Variants in FBXW12 observed in about 807,000 individuals in gnomAD.
FBXW12 encodes the protein F-box and WD repeat domain containing 12.
FBXW12 carries 43 observed loss-of-function variants against 55.3 expected under a neutral mutation model. The observed-to-expected ratio is 0.78, with a 90% CI of 0.61 to 1.00. The LOEUF (loss-of-function observed/expected upper bound fraction) is 1.00. Among genes scored for constraint, FBXW12 ranks in the 50% least tolerant of loss-of-function variants. The pLI is 0.00. For missense variants in FBXW12, 524 were observed against 560.5 expected (o/e 0.93, Z 0.66); for synonymous variants, 184 against 203.8 (o/e 0.90, Z 0.83).
chr3:48,380,621 A>C, intron 7 of FBXW12, 81 bp from the exon 8 acceptor site: 1 of 1,019,198 alleles, frequency 9.8e-7, no homozygotes, highest in Non-Finnish European at 1.5e-6. Flanking sequence ...AGAATTTCTA[A>C]GAAGGCTCTT....
chr3:48,389,180 C>T (rs2036885991), intron 10 of FBXW12, among the ~76,000 whole-genome samples: 1 of 152,130 alleles, frequency 6.6e-6, no homozygotes, highest in Non-Finnish European at 1.5e-5. Context: ...TGCTTGAGCC[C>T]AGGAGTTCAA....
intron 10 of FBXW12, among the ~76,000 whole-genome samples, chr3:48,385,659 C>G (rs1326206405): frequency 1.3e-5 from 2 of 152,126 alleles, no homozygotes; most frequent in African/African-American, 2.4e-5. Context: ...CATGGGTTCC[C>G]TTTTCTTCAC....
intron 10 of FBXW12, among the ~76,000 whole-genome samples, chr3:48,383,948 A>G (rs976920361): frequency 6.6e-6 from 1 of 152,198 alleles, no homozygotes; most frequent in African/African-American, 2.4e-5. Context: ...AACACACTAC[A>G]TTGAAAATGT....
At chr3:48,387,575 A>C (rs2036865296) in intron 10 of FBXW12, among the ~76,000 whole-genome samples, 1 of 151,420 alleles carries the variant, frequency 6.6e-6, no homozygotes, top group Non-Finnish European at 1.5e-5. Context: ...TTTTAGACAC[A>C]ATCTCAACCT....
At position 48,373,671 on chromosome 3, in the gene FBXW12, G is replaced by A. The variant is rs764943929; in HGVS notation, c.252G>A (p.Pro84=). 1.3e-5 allele frequency: 21 copies of A among 1,613,978 alleles called. No individual in the cohort carries two copies. Among genetic ancestry groups the A allele is most frequent in the South Asian group, 7.7e-5 (7 of 91,088 alleles). ...RKELRLALAQ[P]HNFIYKVTKN... ...AGCTTCGGTTGGCATTGGCACAGCC[G>A]CATAACTTTATCTACAAAGTAACTA... is the stretch of plus-strand genomic sequence containing the variant. The change falls in exon 4 of 11, where the codon CCG becomes CCA. Residue 84 remains proline, a synonymous_variant. Transcript: ENST00000296438.
At chr3:48,392,269 G>A (rs555383249) in intron 10 of FBXW12, among the ~76,000 whole-genome samples, 6 of 152,152 alleles carry the variant, frequency 3.9e-5, no homozygotes, top group Admixed American at 6.5e-5. Context: ...TGGCTAACAC[G>A]GTGAAACCCC....
rs1224207040 is a variant in FBXW12 at position 48,382,223 on chromosome 3, TCTC to T, written c.1295+141_1295+143del. On this transcript the variant is annotated intron_variant, in intron 10 of 10. Coordinates refer to ENST00000296438, the MANE Select transcript of FBXW12 (RefSeq NM_207102.2). Reference sequence around the variant, plus strand: ...CCTCCGACTCCCGGGTTCTAGCAATTCTCCTGCTTCAGCCTCCCAAGTAGCTGG... The same window carrying T: ...CCTCCGACTCCCGGGTTCTAGCAATTCTGCTTCAGCCTCCCAAGTAGCTGG... 9 of 941,730 alleles carry T rather than the reference TCTC, an allele frequency of 9.6e-6. No homozygotes were observed. The African/African-American group carries it at 1.0e-4, about 10-fold the overall frequency. 58.3% of individuals were successfully genotyped at this position (941,730 alleles called of 1,614,324 possible).
Position 48,372,877 on chromosome 3 carries a change from C to T in FBXW12, c.90+20C>T, listed in dbSNP as rs746385042. ...AACAAGGTAAAGGCCTTCCACCTCC[C>T]ACTGCCCCCCAAGCCCGCTGCTTCT... is the stretch of plus-strand genomic sequence containing the variant. On this transcript the variant is annotated intron_variant, in intron 2 of 10. Transcript: ENST00000296438. The T allele has an allele frequency of 1.1e-5, 18 of 1,607,738 alleles. No homozygotes were observed. Among genetic ancestry groups the T allele is most frequent in the Non-Finnish European group, 1.4e-5 (17 of 1,174,246 alleles).
At chr3:48,391,745 C>A (rs776425197) in intron 10 of FBXW12, among the ~76,000 whole-genome samples, 1 of 152,072 alleles carries the variant, frequency 6.6e-6, no homozygotes, top group Non-Finnish European at 1.5e-5. Flanking sequence ...TTGAGATGAT[C>A]ATATGGTTTT....
intron 5 of FBXW12, among the ~76,000 whole-genome samples, chr3:48,376,716 G>C (rs2036691060): frequency 6.6e-6 from 1 of 152,106 alleles, no homozygotes; most frequent in Non-Finnish European, 1.5e-5. Flanking sequence ...CTAAAAAATT[G>C]GGCCACCGCA....
At chr3:48,393,108 G>A (rs1240076072) in intron 10 of FBXW12, among the ~76,000 whole-genome samples, 1 of 149,416 alleles carries the variant, frequency 6.7e-6, no homozygotes, top group Non-Finnish European at 1.5e-5. Context: ...CAATTCTTCT[G>A]CCTCAGCCTC....
At chr3:48,389,007 T>C (rs1175294668) in intron 10 of FBXW12, among the ~76,000 whole-genome samples, 1 of 152,214 alleles carries the variant, frequency 6.6e-6, no homozygotes, top group Admixed American at 6.5e-5. Context: ...CCCTGTTCCC[T>C]GTCTAACCCC....
rs765169925 is a variant in FBXW12 at position 48,379,529 on chromosome 3, T to G, written c.745T>G (p.Cys249Gly). 6.2e-7 allele frequency: 1 copy of G among 1,614,210 alleles called. No homozygotes were observed. The highest frequency in any genetic ancestry group is 1.1e-5 in the South Asian group (1 of 91,086). ...CSPDKKWVFA[C>G]GTYSRTLPQV... ...TCCTGACAAGAAATGGGTATTTGCA[T>G]GTGGGACATACAGTCGTACCTTGCC... The change falls in exon 7 of 11, where the codon TGT becomes GGT. Residue 249 changes from cysteine (C) to glycine (G), a missense_variant. Physicochemically the swap from Cys to Gly is radical, Grantham distance 159 (BLOSUM62 -3). Coordinates refer to ENST00000296438, the MANE Select transcript of FBXW12 (RefSeq NM_207102.2).
chr3:48,381,310 T>C lies in FBXW12; in HGVS notation c.986-390T>C, dbSNP rs535287180. The stretch of plus-strand genomic sequence containing the variant: ...GTGCTGGGATTACAGGAGTGAGCCA[T>C]CGCACCCGGCCAGGAGCAGGGGATT... On this transcript the variant is annotated intron_variant, in intron 8 of 10. Coordinates refer to ENST00000296438, the MANE Select transcript of FBXW12 (RefSeq NM_207102.2). Among the ~76,000 whole-genome samples the C allele has an allele frequency of 2.6e-4, 39 of 151,870 alleles. No homozygotes were observed. The South Asian group carries it at 3.1e-3, about 12-fold the overall frequency.
rs564093303 is a variant in FBXW12 at position 48,381,771 on chromosome 3, T to C, written c.1057T>C (p.Tyr353His). The C allele has an allele frequency of 1.9e-5, 31 of 1,611,970 alleles. No individual in the cohort carries two copies. The African/African-American group carries it at 3.6e-4, about 19-fold the overall frequency. ...CPIWMGASDG[Y>H]MIVFTSGPYL... ...TATCTGGATGGGAGCCAGTGATGGA[T>C]ATATGATTGTCTTTACCAGTGGACC... Residue 353 changes from tyrosine (Y) to histidine (H), a missense_variant, in exon 9 of 11, where the codon TAT (tyrosine) becomes CAT (histidine). By Grantham distance (83) the Tyr-to-His change is moderately conservative. Coordinates refer to ENST00000296438, the MANE Select transcript of FBXW12 (RefSeq NM_207102.2).
At position 48,373,574 on chromosome 3, in the gene FBXW12, G is replaced by T; in HGVS notation, c.155G>T (p.Cys52Phe). ...WRSLSLQRWD[C>F]SNFTNQHLGT... ...TCACTATCTCTGCAGAGATGGGACT[G>T]CAGCAACTTCACCAATCAACACCTG... is the stretch of plus-strand genomic sequence containing the variant. Residue 52 changes from cysteine to phenylalanine, a missense_variant, in exon 4 of 11, where the codon TGC (cysteine) becomes TTC (phenylalanine). By Grantham distance (205) the Cys-to-Phe change is radical (BLOSUM62 -2). Transcript: ENST00000296438. 1.9e-6 allele frequency: 3 copies of T among 1,614,126 alleles called. No homozygotes were observed. Among genetic ancestry groups the T allele is most frequent in the Non-Finnish European group, 2.5e-6 (3 of 1,180,006 alleles).
In FBXW12 at chr3:48,372,280, G is replaced by T. The variant is rs974212672; in HGVS notation, c.-125G>T. 1.3e-6 allele frequency: 2 copies of T among 1,552,028 alleles called. No homozygotes were observed. Among genetic ancestry groups the T allele is most frequent in the African/African-American group, 2.7e-5 (2 of 73,030 alleles). On this transcript the variant is annotated 5_prime_UTR_variant, in exon 1 of 11. Coordinates refer to ENST00000296438, the MANE Select transcript of FBXW12 (RefSeq NM_207102.2). ...GTAGAAACCCAGAGGCCATGCTGGC[G>T]CTGAGAGATGAGCCCCACTCACCAG...
At chr3:48,378,290 A>G (rs750479698) in intron 5 of FBXW12, 27 bp from the exon 6 acceptor site, 1 of 1,576,556 alleles carries the variant, frequency 6.3e-7, no homozygotes, top group South Asian at 1.1e-5. Flanking sequence ...TTCCTTGAAC[A>G]CAGGTCGTGT....
intron 10 of FBXW12, among the ~76,000 whole-genome samples, chr3:48,394,057 G>A (rs1387454868): frequency 2.0e-5 from 3 of 151,928 alleles, no homozygotes; most frequent in South Asian, 2.1e-4. Context: ...GATTACAGGC[G>A]TGAGCCACCG....
Sources: gnomAD v4.1 joint callset for allele counts (sites outside exome capture counted in the v4.1 genomes callset) on GRCh38, gnomAD v4.1.1 for gene constraint, MANE v1.5 for transcripts, NCBI Gene and HGNC (gene_info 2026-07-23, HGNC 2026-07-21) for gene names.